Variants in LRRTM4 observed in about 807,000 individuals in gnomAD.
LRRTM4 encodes the protein leucine-rich repeat transmembrane neuronal protein 4.
In LRRTM4, 25 loss-of-function variants were observed where a neutral mutation model predicts 47.6. That is an observed-to-expected ratio of 0.53 (90% CI 0.38 to 0.73). The LOEUF (loss-of-function observed/expected upper bound fraction) is 0.73. Ranked by LOEUF, LRRTM4 falls within the 30% of genes least tolerant of loss-of-function variation. LRRTM4 has a pLI of 0.00. For synonymous variants in LRRTM4, 311 were observed against 269.5 expected, an observed-to-expected ratio of 1.15 and a Z score of -1.51; for missense variants, 638 against 713.4, an observed-to-expected ratio of 0.89 and a Z score of 1.20.
At chr2:77,012,244 G>A (rs1006252850) in intron 3 of LRRTM4, among the ~76,000 whole-genome samples, 9 of 152,012 alleles carry the variant, frequency 5.9e-5, no homozygotes, top group East Asian at 3.9e-4. Context: ...GGAATAATTC[G>A]TTAGAAATAA....
chr2:76,762,162 G>A (rs926836353), intron 3 of LRRTM4, among the ~76,000 whole-genome samples: 5 of 152,110 alleles, frequency 3.3e-5, no homozygotes, highest in Admixed American at 2.0e-4. Context: ...TCACATGCTT[G>A]CACTTCTCCA....
intron 3 of LRRTM4, among the ~76,000 whole-genome samples, chr2:76,837,849 C>CA (rs1325109419): frequency 2.6e-5 from 4 of 151,740 alleles, no homozygotes; most frequent in Non-Finnish European, 5.9e-5. Flanking sequence ...AAAAACCAAA[C>CA]ACCGCACGTT....
chr2:76,802,233 C>T, intron 3 of LRRTM4, among the ~76,000 whole-genome samples: 1 of 96,774 alleles, frequency 1.0e-5, no homozygotes, highest in South Asian at 3.6e-4. Flanking sequence ...CTAAAGACTC[C>T]ACCAAAAAAA....
chr2:77,081,018 T>C (rs765385160), intron 3 of LRRTM4, among the ~76,000 whole-genome samples: 1 of 152,206 alleles, frequency 6.6e-6, no homozygotes, highest in African/African-American at 2.4e-5. Flanking sequence ...TCAATTATTT[T>C]CTTGCTTTAA....
intron 3 of LRRTM4, among the ~76,000 whole-genome samples, chr2:77,390,498 A>G (rs185510851): frequency 6.6e-6 from 1 of 152,196 alleles, no homozygotes; most frequent in Non-Finnish European, 1.5e-5. Flanking sequence ...TTATAAAATA[A>G]TTGATATCCG....
At chr2:77,094,894 CCAAAAGCACAAGCAA>C (rs1175239249) in intron 3 of LRRTM4, among the ~76,000 whole-genome samples, 1 of 151,884 alleles carries the variant, frequency 6.6e-6, no homozygotes, top group South Asian at 2.1e-4. Context: ...AAATGTGACC[CCAAAAGCACAAGCAA>C]CAAAAGCAAA....
chr2:77,071,560 T>C (rs980424580), intron 3 of LRRTM4, among the ~76,000 whole-genome samples: 3 of 152,180 alleles, frequency 2.0e-5, no homozygotes, highest in Admixed American at 2.0e-4. Context: ...AGCAATAAAT[T>C]ATAATTATGC....
At chr2:77,170,901 A>G (rs1673029458) in intron 3 of LRRTM4, among the ~76,000 whole-genome samples, 1 of 150,736 alleles carries the variant, frequency 6.6e-6, no homozygotes, top group African/African-American at 2.4e-5. Flanking sequence ...CATATATTAT[A>G]TGTGTAGGTA....
intron 3 of LRRTM4, among the ~76,000 whole-genome samples, chr2:77,303,850 T>G (rs191694921): frequency 2.0e-5 from 3 of 152,280 alleles, no homozygotes; most frequent in African/African-American, 7.2e-5. Flanking sequence ...CTTTATCCAT[T>G]TATCTGTTGA....
intron 3 of LRRTM4, among the ~76,000 whole-genome samples, chr2:76,890,229 C>T (rs1358546458): frequency 6.6e-6 from 1 of 151,928 alleles, no homozygotes; most frequent in East Asian, 1.9e-4. Flanking sequence ...TGGTCTAGCA[C>T]TGAGTGTGAA....
rs144331663 is a variant in LRRTM4 at position 76,775,821 on chromosome 2, T to A, written c.1552-26905A>T. Among the ~76,000 whole-genome samples the A allele has an allele frequency of 4.9e-3, 748 of 152,244 alleles. 3 individuals are homozygous for A. The highest frequency in any genetic ancestry group is 8.8e-3 in the Admixed American group (134 of 15,286). ...GTGCATATTGTGCAGGTTAGTTACATATGTATACATGTGCCATGCTGGTGC... is the reference window on the plus strand; with the variant it reads ...GTGCATATTGTGCAGGTTAGTTACAAATGTATACATGTGCCATGCTGGTGC... On this transcript the variant is annotated intron_variant, in intron 3 of 3. Transcript: ENST00000409884.
intron 3 of LRRTM4, among the ~76,000 whole-genome samples, chr2:76,980,936 A>T (rs1676588428): frequency 6.6e-6 from 1 of 152,118 alleles, no homozygotes; most frequent in Non-Finnish European, 1.5e-5. Context: ...ACTGATATTT[A>T]AGTGATCTTA....
At position 77,130,810 on chromosome 2, in the gene LRRTM4, C is replaced by T. The variant is rs538471709; in HGVS notation, c.1552-381894G>A. Among the ~76,000 whole-genome samples, 18 of 129,052 alleles carry T rather than the reference C, an allele frequency of 1.4e-4. No individual in the cohort carries two copies. The South Asian group carries it at 2.1e-3, about 15-fold the overall frequency. The allele number at this position is 129,052 out of a possible 152,430, so 84.7% of individuals were successfully genotyped here. On this transcript the variant is annotated intron_variant, in intron 3 of 3. Coordinates refer to ENST00000409884, the MANE Select transcript of LRRTM4 (RefSeq NM_001134745.3). The stretch of plus-strand genomic sequence containing the variant: ...ACAAGTGTGAGCCACCGTGCCCGGC[C>T]AATTATTTGTTCTATTTTTTTTTTT...
chr2:77,057,396 C>T (rs1679644386), intron 3 of LRRTM4, among the ~76,000 whole-genome samples: 1 of 152,052 alleles, frequency 6.6e-6, no homozygotes, highest in African/African-American at 2.4e-5. Flanking sequence ...TGCTTTGAAA[C>T]CTGGAACAAG....
intron 3 of LRRTM4, among the ~76,000 whole-genome samples, chr2:77,108,623 G>T (rs1019742809): frequency 7.1e-6 from 1 of 139,878 alleles, no homozygotes; most frequent in Non-Finnish European, 1.5e-5. Flanking sequence ...TCGCTCTGTC[G>T]CCCAGGCTGG....
chr2:77,254,841 T>C (rs192927451), intron 3 of LRRTM4, among the ~76,000 whole-genome samples: 10 of 144,172 alleles, frequency 6.9e-5, no homozygotes, highest in Non-Finnish European at 1.4e-4. Context: ...AATGGTCAAG[T>C]AACCTGCAGG....
At chr2:77,145,235 G>T (rs914448021) in intron 3 of LRRTM4, among the ~76,000 whole-genome samples, 6 of 145,930 alleles carry the variant, frequency 4.1e-5, no homozygotes, top group Admixed American at 1.4e-4. Context: ...ATATCTCATA[G>T]ATATATATAT....
chr2:76,787,672 C>T (rs759562388), intron 3 of LRRTM4, among the ~76,000 whole-genome samples: 3 of 151,838 alleles, frequency 2.0e-5, no homozygotes, highest in Non-Finnish European at 2.9e-5. Flanking sequence ...GGGAGTTTTG[C>T]ATTGACTACA....
intron 3 of LRRTM4, among the ~76,000 whole-genome samples, chr2:76,798,351 C>T (rs1406104585): frequency 2.6e-5 from 4 of 151,998 alleles, no homozygotes; most frequent in Non-Finnish European, 4.4e-5. Flanking sequence ...TGAATGACTA[C>T]TGGGTACATA....
Sources: allele counts gnomAD v4.1 joint callset (sites outside exome capture counted in the v4.1 genomes callset), GRCh38; gene constraint gnomAD v4.1.1; transcripts MANE v1.5; gene names NCBI Gene and HGNC (gene_info 2026-07-23, HGNC 2026-07-21).